The following MAPK4 variants were observed in gnomAD, a reference collection of about 807,000 sequenced individuals.
MAPK4 encodes the protein mitogen-activated protein kinase 4.
In MAPK4, 22 loss-of-function variants were observed where a neutral mutation model predicts 47.7. The ratio of observed to expected loss-of-function variants is 0.46; its 90% CI spans 0.33 to 0.66. The LOEUF is 0.66. Among genes scored for constraint, MAPK4 ranks in the 30% least tolerant of loss-of-function variants. The pLI, the probability that MAPK4 is intolerant of heterozygous loss-of-function variation, is 0.02. For synonymous variants in MAPK4, 390 were observed against 365.7 expected (o/e 1.07, Z -0.76); for missense variants, 736 against 831.7 (o/e 0.88, Z 1.42).
chr18:50,562,421 A>T (rs1268370986), intron 1 of MAPK4, among the ~76,000 whole-genome samples: 5 of 51,984 alleles, frequency 9.6e-5, no homozygotes, highest in African/African-American at 5.0e-4. Flanking sequence ...TGGCCAATAA[A>T]AAAAAAAAAA....
intron 2 of MAPK4, among the ~76,000 whole-genome samples, chr18:50,672,184 C>A (rs1907993345): frequency 2.0e-5 from 3 of 152,062 alleles, no homozygotes; most frequent in Admixed American, 2.0e-4. Flanking sequence ...TCCCAGGACC[C>A]CAGAGTAGGA....
intron 1 of MAPK4, among the ~76,000 whole-genome samples, chr18:50,594,399 A>G (rs574157449): frequency 1.3e-5 from 2 of 152,208 alleles, no homozygotes; most frequent in Non-Finnish European, 2.9e-5. Flanking sequence ...AAGATAGTAT[A>G]AAGATAGACA....
chr18:50,684,906 C>G (rs1371981675), intron 2 of MAPK4, among the ~76,000 whole-genome samples: 1 of 152,194 alleles, frequency 6.6e-6, no homozygotes, highest in Non-Finnish European at 1.5e-5. Flanking sequence ...AGGTGCCCTG[C>G]AGACGTCTCC....
At chr18:50,568,140 G>A (rs991360450) in intron 1 of MAPK4, among the ~76,000 whole-genome samples, 10 of 150,894 alleles carry the variant, frequency 6.6e-5, no homozygotes, top group African/African-American at 2.2e-4. Context: ...AGCTTGCAGT[G>A]AGCCGAGATC....
chr18:50,652,460 A>G (rs2043061101), intron 1 of MAPK4, among the ~76,000 whole-genome samples: 2 of 152,180 alleles, frequency 1.3e-5, no homozygotes, highest in Non-Finnish European at 2.9e-5. Context: ...AAGGAAGTCA[A>G]GAACTCTATG....
intron 5 of MAPK4, 43 bp downstream of exon 5, chr18:50,726,218 T>C (rs779483892): frequency 9.4e-6 from 15 of 1,587,498 alleles, no homozygotes; most frequent in Middle Eastern, 1.7e-4. Context: ...TTCCCTGTCC[T>C]CCCATCTCTA....
chr18:50,562,699 A>G (rs2042164867), intron 1 of MAPK4, among the ~76,000 whole-genome samples: 1 of 152,252 alleles, frequency 6.6e-6, no homozygotes, highest in African/African-American at 2.4e-5. Context: ...CGAGAAAATC[A>G]TATCCATTAG....
Position 50,729,417 on chromosome 18 carries a change from T to C in MAPK4, c.1327T>C (p.Trp443Arg). The change falls in exon 6 of 6, where the codon TGG (tryptophan) becomes CGG (arginine). Residue 443 changes from tryptophan (W) to arginine (R), a missense_variant. Physicochemically the swap from Trp to Arg is moderately radical, Grantham distance 101. This residue lies in a region of MAPK4 where 377 missense variants were observed against 378.6 expected (regional missense o/e 1.00). Transcript: ENST00000400384. ...GSPSYLDKLL[W>R]RDNKPHHYSE... is the part of the protein sequence containing the mutation. ...GCCGTCCTACCTGGACAAGCTGCTGTGGCGCGACAACAAGCCGCACCACTA... is the reference window on the plus strand; with the variant it reads ...GCCGTCCTACCTGGACAAGCTGCTGCGGCGCGACAACAAGCCGCACCACTA... 1 of 1,553,330 alleles carries C rather than the reference T, an allele frequency of 6.4e-7. No homozygotes were observed. Among genetic ancestry groups the C allele is most frequent in the South Asian group, 1.2e-5 (1 of 85,444 alleles).
rs200633652 is a variant in MAPK4, at chr18:50,716,805, A to AG, written c.691+1586dup. Among the ~76,000 whole-genome samples, 145 of 149,208 alleles carry AG rather than the reference A, an allele frequency of 9.7e-4. 2 individuals are homozygous for AG. The East Asian group carries it at 0.02, about 21-fold the overall frequency. ...TCCTCAGCCTGCCCTGCTTCTCCTCAGGGGCACCGTCTCCCCTCAGCTCTG... is the reference window on the plus strand; with the variant it reads ...TCCTCAGCCTGCCCTGCTTCTCCTCAGGGGGCACCGTCTCCCCTCAGCTCTG... On this transcript the variant is annotated intron_variant, in intron 3 of 5. Coordinates refer to ENST00000400384, the MANE Select transcript of MAPK4 (RefSeq NM_002747.4).
At chr18:50,609,121 T>A (rs1363117449) in intron 1 of MAPK4, among the ~76,000 whole-genome samples, 1 of 152,114 alleles carries the variant, frequency 6.6e-6, no homozygotes, top group Non-Finnish European at 1.5e-5. Flanking sequence ...TGTCTACGTC[T>A]TTCTACACAG....
chr18:50,728,919 G>A (rs1911352365), intron 5 of MAPK4, among the ~76,000 whole-genome samples: 1 of 152,216 alleles, frequency 6.6e-6, no homozygotes. Context: ...TGGTAGGTGC[G>A]CAGGAAATAT....
intron 1 of MAPK4, among the ~76,000 whole-genome samples, chr18:50,655,177 G>C (rs1430616047): frequency 1.3e-5 from 2 of 152,214 alleles, no homozygotes; most frequent in Non-Finnish European, 2.9e-5. Context: ...TGCCTCCCAG[G>C]GACCTTAAGA....
intron 1 of MAPK4, among the ~76,000 whole-genome samples, chr18:50,648,764 A>G (rs998141380): frequency 2.6e-5 from 4 of 152,106 alleles, no homozygotes; most frequent in Non-Finnish European, 5.9e-5. Context: ...TCGCCACGAT[A>G]AGGCTTTACC....
At chr18:50,624,660 A>G (rs2042760810) in intron 1 of MAPK4, among the ~76,000 whole-genome samples, 2 of 152,220 alleles carry the variant, frequency 1.3e-5, no homozygotes, top group Non-Finnish European at 2.9e-5. Context: ...TCTGATGTTT[A>G]TATGATGAAT....
At chr18:50,560,425 G>A (rs1158340317) in intron 1 of MAPK4, among the ~76,000 whole-genome samples, 182 bp downstream of exon 1, 1 of 151,968 alleles carries the variant, frequency 6.6e-6, no homozygotes, top group Non-Finnish European at 1.5e-5. Flanking sequence ...GAGCGGCGGG[G>A]GTCTCCCGCG....
At chr18:50,728,187 T>C (rs1003838825) in intron 5 of MAPK4, among the ~76,000 whole-genome samples, 4 of 152,230 alleles carry the variant, frequency 2.6e-5, no homozygotes, top group African/African-American at 9.6e-5. Flanking sequence ...TGATGTCCTC[T>C]GTGCTCCTGC....
chr18:50,625,927 C>CACACACACACACACACAT (rs1167419602), intron 1 of MAPK4, among the ~76,000 whole-genome samples: 1 of 93,370 alleles, frequency 1.1e-5, no homozygotes, highest in African/African-American at 4.1e-5. Context: ...CACACACACA[C>CACACACACACACACACAT]ATATATAATG....
chr18:50,599,607 CG>C (rs2042517278), intron 1 of MAPK4, among the ~76,000 whole-genome samples: 2 of 151,904 alleles, frequency 1.3e-5, no homozygotes, highest in Non-Finnish European at 2.9e-5. Flanking sequence ...TTAGTAGAGG[CG>C]GGGTTTTGCC....
chr18:50,679,366 G>C (rs1253952388), intron 2 of MAPK4, among the ~76,000 whole-genome samples: 1 of 152,182 alleles, frequency 6.6e-6, no homozygotes, highest in Non-Finnish European at 1.5e-5. Flanking sequence ...GCTAGGGAAG[G>C]AGTGATCAGC....
Sources: gnomAD v4.1 joint callset for allele counts (sites outside exome capture counted in the v4.1 genomes callset) on GRCh38, gnomAD v4.1.1 for gene constraint, gnomAD v4.1.1 regional missense constraint, MANE v1.5 for transcripts, NCBI Gene and HGNC (gene_info 2026-07-23, HGNC 2026-07-21) for gene names.